RBMS2: variants seen among roughly 807,000 people sequenced by gnomAD.
RBMS2 encodes RNA-binding motif, single-stranded-interacting protein 2.
RBMS2 carries 38 observed loss-of-function variants against 58.4 expected under a neutral mutation model. That is an observed-to-expected ratio of 0.65 (90% CI 0.50 to 0.85). RBMS2 has a LOEUF of 0.85. Among genes scored for constraint, RBMS2 ranks in the 40% least tolerant of loss-of-function variants. The probability of loss-of-function intolerance (pLI) is 0.00; values close to 1 mark genes in which losing one functional copy is unlikely to be tolerated. For missense variants in RBMS2, 367 were observed against 503.7 expected (o/e 0.73, Z 2.60); for synonymous variants, 151 against 180.7 (o/e 0.84, Z 1.32).
intron 1 of RBMS2, among the ~76,000 whole-genome samples, chr12:56,538,648 A>AT (rs1447628693): frequency 1.3e-5 from 2 of 151,048 alleles, no homozygotes; most frequent in Non-Finnish European, 3.0e-5. Flanking sequence ...AGCCCGGCTA[A>AT]TTTTTGTATT....
chr12:56,533,066 C>T (rs1874066862), intron 1 of RBMS2, among the ~76,000 whole-genome samples: 1 of 151,842 alleles, frequency 6.6e-6, no homozygotes, highest in African/African-American at 2.4e-5. Context: ...TCCTGAGTAG[C>T]TAGGATTACA....
At chr12:56,535,650 A>G (rs569631959) in intron 1 of RBMS2, among the ~76,000 whole-genome samples, 3 of 152,066 alleles carry the variant, frequency 2.0e-5, no homozygotes, top group African/African-American at 7.2e-5. Context: ...CTCCATTTAG[A>G]CATTTATTAG....
Position 56,595,885 on chromosome 12 carries a change from C to A in RBMS2, c.*6752C>A, listed in dbSNP as rs1885744655. 1 of 122,208 alleles carries A rather than the reference C, an allele frequency of 8.2e-6. No individual in the cohort carries two copies. Among genetic ancestry groups the A allele is most frequent in the Non-Finnish European group, 1.8e-5 (1 of 56,556 alleles). 7.6% of individuals were successfully genotyped at this position (122,208 alleles called of 1,614,324 possible). ...CATACCTATCCCAACGCCGTCTCCC[C>A]CTCAGGTGTGTAGAAGGGAAGATGA... is the stretch of plus-strand genomic sequence containing the variant. On this transcript the variant is annotated 3_prime_UTR_variant, in exon 14 of 14. Transcript: ENST00000262031.
At chr12:56,537,241 G>A (rs936587598) in intron 1 of RBMS2, among the ~76,000 whole-genome samples, 4 of 152,056 alleles carry the variant, frequency 2.6e-5, no homozygotes, top group East Asian at 1.9e-4. Flanking sequence ...GAACATTTTA[G>A]TATACAGTTT....
intron 5 of RBMS2, among the ~76,000 whole-genome samples, chr12:56,577,347 G>C (rs1281358155): frequency 1.3e-5 from 2 of 151,400 alleles, no homozygotes; most frequent in East Asian, 3.9e-4. Flanking sequence ...GGAGGCAGAA[G>C]TTGCAGTGAG....
At chr12:56,565,622 G>T (rs912471526) in intron 2 of RBMS2, among the ~76,000 whole-genome samples, 4 of 152,182 alleles carry the variant, frequency 2.6e-5, no homozygotes, top group African/African-American at 9.7e-5. Context: ...AATGAAAGAG[G>T]TGCCAGAGGA....
chr12:56,584,514 G>T (rs931465591), intron 9 of RBMS2, among the ~76,000 whole-genome samples: 1 of 151,754 alleles, frequency 6.6e-6, no homozygotes, highest in African/African-American at 2.4e-5. Context: ...GGCCAGGCAC[G>T]GTGGCTCACG....
At position 56,584,230 on chromosome 12, in the gene RBMS2, G is replaced by A. The variant is rs199988758; in HGVS notation, c.873+2078G>A. ...GCAGATCACTTGAGCTCAGGAGTTC[G>A]AGACCAGCCTGGGCAACATGGCAAA... On this transcript the variant is annotated intron_variant, in intron 9 of 13. Transcript: ENST00000262031. 2.4e-4 allele frequency among the ~76,000 whole-genome samples: 37 copies of A among 151,938 alleles called. No homozygotes were observed. In the East Asian group the frequency reaches 5.8e-3, roughly 24 times the overall value.
At chr12:56,580,230 CTTTT>C (rs544289831) in intron 5 of RBMS2, 860 of 311,950 alleles carry the variant, frequency 2.8e-3, no homozygotes, top group Admixed American at 3.8e-3. Flanking sequence ...TGAGCCTGGC[CTTTT>C]TTTTTTTTTT....
chr12:56,558,397 C>A (rs1413415333), intron 1 of RBMS2, among the ~76,000 whole-genome samples: 1 of 148,294 alleles, frequency 6.7e-6, no homozygotes, highest in Non-Finnish European at 1.5e-5. Flanking sequence ...TTGGACAGTC[C>A]TGGCATCACT....
chr12:56,549,155 C>T (rs577613801), intron 1 of RBMS2, among the ~76,000 whole-genome samples: 8 of 152,066 alleles, frequency 5.3e-5, no homozygotes, highest in South Asian at 4.2e-4. Flanking sequence ...TGCACCACCA[C>T]GTCTAATTTT....
chr12:56,588,767 G>A (rs1885027953), intron 12 of RBMS2, 165 bp from the exon 13 acceptor site: 1 of 686,024 alleles, frequency 1.5e-6, no homozygotes, highest in Non-Finnish European at 2.6e-6. Context: ...CAGGCTGTAG[G>A]AAGGTTGGGG....
Position 56,588,457 on chromosome 12 carries a change from C to T in RBMS2, c.1143+83C>T, listed in dbSNP as rs1884983823. ...CCCCCTGATCAAGATCTTTCTCTCA[C>T]AATGATGCTGATTCTGTGTTCACAA... On this transcript the variant is annotated intron_variant, in intron 12 of 13. Coordinates refer to ENST00000262031, the MANE Select transcript of RBMS2 (RefSeq NM_002898.4). 4 of 1,242,222 alleles carry T rather than the reference C, an allele frequency of 3.2e-6. No homozygotes were observed. The African/African-American group carries it at 5.9e-5, about 18-fold the overall frequency. The allele number at this position is 1,242,222 out of a possible 1,614,324, so 76.9% of individuals were successfully genotyped here.
At chr12:56,575,614 G>A (rs1565772779) in intron 5 of RBMS2, among the ~76,000 whole-genome samples, 1 of 151,502 alleles carries the variant, frequency 6.6e-6, no homozygotes, top group Non-Finnish European at 1.5e-5. Flanking sequence ...AGTAGTCTCG[G>A]CCAGGCATGG....
At chr12:56,553,438 C>T (rs1395155050) in intron 1 of RBMS2, among the ~76,000 whole-genome samples, 1 of 152,076 alleles carries the variant, frequency 6.6e-6, no homozygotes, top group South Asian at 2.1e-4. Context: ...AAGCAATTCT[C>T]CTGCCTTAGC....
chr12:56,584,951 G>A (rs1275352771), intron 9 of RBMS2, among the ~76,000 whole-genome samples: 1 of 151,226 alleles, frequency 6.6e-6, no homozygotes, highest in Non-Finnish European at 1.5e-5. Flanking sequence ...AGCCTCCCAA[G>A]TAGCTGGGAT....
chr12:56,586,921 C>A lies in RBMS2; in HGVS notation c.946C>A (p.Pro316Thr), dbSNP rs1001477956. Residue 316 changes from proline (P) to threonine (T), a missense_variant, in exon 10 of 14, where the codon CCT (proline) becomes ACT (threonine). By Grantham distance (38) the Pro-to-Thr change is conservative. Coordinates refer to ENST00000262031, the MANE Select transcript of RBMS2 (RefSeq NM_002898.4). ...WMHHHSYLMQ[P>T]SGSVLTPGMD... ...GCACCACCATTCATACCTCATGCAG[C>A]CTTCAGTGAGTATTCAGAAGTGGGC... The A allele has an allele frequency of 1.2e-6, 2 of 1,612,234 alleles. No individual in the cohort carries two copies. Among genetic ancestry groups the A allele is most frequent in the African/African-American group, 1.3e-5 (1 of 74,986 alleles).
chr12:56,571,596 C>T (rs193293559), intron 4 of RBMS2, 102 bp from the exon 5 acceptor site: 46 of 1,265,260 alleles, frequency 3.6e-5, no homozygotes, highest in Non-Finnish European at 4.5e-5. Flanking sequence ...TATGTGGGAC[C>T]CTTCCTATAG....
At chr12:56,559,540 T>G (rs1879964803) in intron 1 of RBMS2, among the ~76,000 whole-genome samples, 3 of 149,136 alleles carry the variant, frequency 2.0e-5, no homozygotes, top group Admixed American at 2.0e-4. Context: ...TATTCTAAAC[T>G]CAGGAACTGT....
Sources: allele counts gnomAD v4.1 joint callset (sites outside exome capture counted in the v4.1 genomes callset), GRCh38; gene constraint gnomAD v4.1.1; transcripts MANE v1.5; gene names NCBI Gene and HGNC (gene_info 2026-07-23, HGNC 2026-07-21).